The following RABGAP1L variants were observed in gnomAD, a reference collection of about 807,000 sequenced individuals.
The protein encoded by RABGAP1L is rab GTPase-activating protein 1-like.
A neutral mutation model predicts 137.7 loss-of-function variants in RABGAP1L; 63 were observed. The observed-to-expected ratio is 0.46, with a 90% CI of 0.37 to 0.56. The LOEUF (loss-of-function observed/expected upper bound fraction) is 0.56, where lower values mean the gene tolerates loss of function less well. Among genes scored for constraint, RABGAP1L ranks in the 20% least tolerant of loss-of-function variants. RABGAP1L has a pLI of 0.00. For missense variants in RABGAP1L, 1,095 were observed against 1,244.0 expected, an observed-to-expected ratio of 0.88 and a Z score of 1.80; for synonymous variants, 431 against 433.7, an observed-to-expected ratio of 0.99 and a Z score of 0.08.
intron 19 of RABGAP1L, among the ~76,000 whole-genome samples, chr1:174,819,864 A>AT (rs1164498975): frequency 2.6e-5 from 4 of 152,240 alleles, no homozygotes; most frequent in African/African-American, 9.6e-5. Flanking sequence ...GAGGTAAGGG[A>AT]TTAACCTCAA....
At chr1:174,642,787 C>T (rs911947903) in intron 14 of RABGAP1L, among the ~76,000 whole-genome samples, 13 of 140,280 alleles carry the variant, frequency 9.3e-5, no homozygotes, top group Non-Finnish European at 1.5e-4. Flanking sequence ...CTCTCCTCTC[C>T]TCTTCTCTCC....
At chr1:174,344,983 T>C (rs1682310753) in intron 11 of RABGAP1L, among the ~76,000 whole-genome samples, 1 of 152,148 alleles carries the variant, frequency 6.6e-6, no homozygotes, top group Admixed American at 6.5e-5. Context: ...GAGAGGTGCC[T>C]AGTTTCATCC....
intron 13 of RABGAP1L, among the ~76,000 whole-genome samples, chr1:174,589,505 G>A (rs535997530): frequency 2.0e-5 from 3 of 152,042 alleles, no homozygotes; most frequent in Non-Finnish European, 1.5e-5. Context: ...GCTTGTGCTC[G>A]TGGGGTATTA....
chr1:174,257,023 A>G (rs995140459), intron 7 of RABGAP1L, among the ~76,000 whole-genome samples: 2 of 152,092 alleles, frequency 1.3e-5, no homozygotes, highest in Non-Finnish European at 2.9e-5. Flanking sequence ...ATTGATATAG[A>G]TTCCTAAATT....
At chr1:174,351,592 C>A (rs56058592) in intron 11 of RABGAP1L, among the ~76,000 whole-genome samples, 5,259 of 152,088 alleles carry the variant, frequency 0.035, 119 homozygotes, top group Middle Eastern at 0.088. Context: ...CATTTAGGAT[C>A]CTTTCTTTAT....
At chr1:174,936,428 C>T (rs987579111) in intron 19 of RABGAP1L, among the ~76,000 whole-genome samples, 8 of 152,062 alleles carry the variant, frequency 5.3e-5, no homozygotes, top group African/African-American at 1.9e-4. Context: ...CATGGCGAAA[C>T]CCTGTCTCCA....
At chr1:174,300,670 T>C (rs1426885297) in intron 10 of RABGAP1L, among the ~76,000 whole-genome samples, 2 of 152,004 alleles carry the variant, frequency 1.3e-5, no homozygotes, top group Non-Finnish European at 2.9e-5. Context: ...CCTAGCACTT[T>C]GGGAGGCCAA....
intron 19 of RABGAP1L, among the ~76,000 whole-genome samples, chr1:174,854,333 A>G (rs770018478): frequency 8.5e-5 from 13 of 152,144 alleles, no homozygotes; most frequent in African/African-American, 1.4e-4. Flanking sequence ...CAGGCCTTAT[A>G]TTACATAGGT....
chr1:174,280,594 G>T (rs1675436338), intron 10 of RABGAP1L, among the ~76,000 whole-genome samples: 1 of 152,156 alleles, frequency 6.6e-6, no homozygotes, highest in African/African-American at 2.4e-5. Flanking sequence ...TTATGTGTGG[G>T]CAGTGGGGAT....
intron 19 of RABGAP1L, among the ~76,000 whole-genome samples, chr1:174,837,068 G>A (rs1037317724): frequency 6.6e-6 from 1 of 152,132 alleles, no homozygotes; most frequent in African/African-American, 2.4e-5. Context: ...TTAGCTGGGC[G>A]TGGTGGCGCA....
chr1:174,597,539 C>T (rs962916936), intron 13 of RABGAP1L, among the ~76,000 whole-genome samples: 1 of 151,744 alleles, frequency 6.6e-6, no homozygotes, highest in Admixed American at 6.6e-5. Context: ...CTTTGAATTT[C>T]TGTGGAATCA....
chr1:174,403,208 A>AGTGT (rs201238291), intron 13 of RABGAP1L, among the ~76,000 whole-genome samples: 17,515 of 126,416 alleles, frequency 0.14, 1,385 homozygotes, highest in East Asian at 0.28. Flanking sequence ...TATATATGAG[A>AGTGT]GTGTGTGTGT....
intron 13 of RABGAP1L, among the ~76,000 whole-genome samples, chr1:174,531,894 A>G (rs777385156): frequency 3.3e-5 from 5 of 152,204 alleles, no homozygotes; most frequent in Non-Finnish European, 5.9e-5. Flanking sequence ...ACAATGGAAC[A>G]TCATCTTCAA....
At chr1:174,542,508 T>C (rs149012113) in intron 13 of RABGAP1L, among the ~76,000 whole-genome samples, 3,196 of 152,242 alleles carry the variant, frequency 0.021, 117 homozygotes, top group African/African-American at 0.074. Flanking sequence ...GTCTTGCTAG[T>C]GGTCTACCAA....
chr1:174,399,387 G>A (rs1400033879), intron 13 of RABGAP1L, among the ~76,000 whole-genome samples: 1 of 152,030 alleles, frequency 6.6e-6, no homozygotes, highest in Non-Finnish European at 1.5e-5. Context: ...GGCACTTGTT[G>A]GTCATGGTTC....
At chr1:174,795,009 G>A (rs76765571) in intron 18 of RABGAP1L, among the ~76,000 whole-genome samples, 2,712 of 152,236 alleles carry the variant, frequency 0.018, 71 homozygotes, top group African/African-American at 0.062. Context: ...ACACAGTGGA[G>A]TGGTTCAGGA....
chr1:174,309,197 C>G (rs1158756897), intron 11 of RABGAP1L, among the ~76,000 whole-genome samples: 1 of 151,856 alleles, frequency 6.6e-6, no homozygotes, highest in Non-Finnish European at 1.5e-5. Flanking sequence ...TGTAGGAATT[C>G]TACTGATTTT....
At chr1:174,657,696 A>C (rs1014601197) in intron 14 of RABGAP1L, among the ~76,000 whole-genome samples, 2 of 152,206 alleles carry the variant, frequency 1.3e-5, no homozygotes, top group Non-Finnish European at 2.9e-5. Context: ...GCTGCAGTGA[A>C]TAAAGGAGTG....
intron 11 of RABGAP1L, among the ~76,000 whole-genome samples, chr1:174,311,585 T>C (rs1678857282): frequency 6.6e-6 from 1 of 152,188 alleles, no homozygotes; most frequent in Non-Finnish European, 1.5e-5. Context: ...GTTCAATCCA[T>C]GTTGTTGCAA....
Sources: gnomAD v4.1 joint callset for allele counts (sites outside exome capture counted in the v4.1 genomes callset) on GRCh38, gnomAD v4.1.1 for gene constraint, MANE v1.5 for transcripts, NCBI Gene and HGNC (gene_info 2026-07-23, HGNC 2026-07-21) for gene names.